Variants in OTOG observed in about 807,000 individuals in gnomAD.
The protein encoded by OTOG is otogelin.
In OTOG, 296 loss-of-function variants were observed where a neutral mutation model predicts 313.8. The ratio of observed to expected loss-of-function variants is 0.94; its 90% CI spans 0.86 to 1.04. OTOG has a LOEUF of 1.04. Among genes scored for constraint, OTOG ranks in the 50% least tolerant of loss-of-function variants. The pLI is 0.00. For missense variants in OTOG, 3,948 were observed against 3,840.1 expected (o/e 1.03, Z -0.74); for synonymous variants, 1,533 against 1,554.9 (o/e 0.99, Z 0.33).
chr11:17,562,205 T>C (rs1478578626), intron 15 of OTOG, among the ~76,000 whole-genome samples: 1 of 130,166 alleles, frequency 7.7e-6, no homozygotes, highest in African/African-American at 3.0e-5. Context: ...GCCACTGCAC[T>C]CCAGCCTGGG....
chr11:17,629,125 C>T lies in OTOG; in HGVS notation c.6529-8C>T, dbSNP rs900590579. 1 of 1,549,370 alleles carries T rather than the reference C, an allele frequency of 6.5e-7. No homozygotes were observed. The highest frequency in any genetic ancestry group is 8.7e-7 in the Non-Finnish European group (1 of 1,146,398). The stretch of plus-strand genomic sequence containing the variant: ...ACAAGCTGTGCTCACACTGAATTCC[C>T]TCCCAAGGTGACTGTGGACTTGCAG... On this transcript the variant is annotated splice_polypyrimidine_tract_variant and splice_region_variant and intron_variant, in intron 39 of 55. Transcript: ENST00000399397.
rs569097813 is a variant in OTOG, at chr11:17,610,200, C to A, written c.4900C>A (p.Pro1634Thr). 6.7e-5 allele frequency: 104 copies of A among 1,550,516 alleles called. No individual in the cohort carries two copies. In the African/African-American group the frequency reaches 1.4e-3, roughly 20 times the overall value. The change falls in exon 36 of 56, where the codon CCC becomes ACC. Residue 1634 changes from proline (P) to threonine (T), a missense_variant. By Grantham distance (38) the Pro-to-Thr change is conservative. Coordinates refer to ENST00000399397, the MANE Select transcript of OTOG (RefSeq NM_001292063.2). ...TGGCTCCTTGCCTGTTAGGACGACA[C>A]CCCCACAGCCCTCCTTGACAGCAAG... ...GHGSLPVRTT[P>T]PQPSLTASPS...
intron 23 of OTOG, among the ~76,000 whole-genome samples, 170 bp from the exon 24 acceptor site, chr11:17,586,304 C>T (rs1565104411): frequency 1.3e-5 from 2 of 152,208 alleles, no homozygotes; most frequent in Admixed American, 1.3e-4. Context: ...ACCAAGGTCC[C>T]TCTGAACCTC....
intron 15 of OTOG, 35 bp downstream of exon 15, chr11:17,561,842 A>G (rs1295679425): frequency 6.5e-7 from 1 of 1,548,690 alleles, no homozygotes; most frequent in South Asian, 1.2e-5. Context: ...CGATCCACCC[A>G]GCTACTCCTG....
chr11:17,588,345 G>A (rs953898701), intron 24 of OTOG, among the ~76,000 whole-genome samples: 8 of 152,102 alleles, frequency 5.3e-5, no homozygotes, highest in South Asian at 2.1e-4. Context: ...GGTGTGACTC[G>A]AGCATTTGCT....
intron 30 of OTOG, among the ~76,000 whole-genome samples, chr11:17,597,699 A>G (rs1198178457): frequency 6.6e-6 from 1 of 152,274 alleles, no homozygotes; most frequent in East Asian, 1.9e-4. Context: ...GAAAGAAAAT[A>G]TAAAGAAGGC....
Position 17,572,219 on chromosome 11 carries a change from G to A in OTOG, c.2080+15G>A. The A allele has an allele frequency of 1.3e-6, 2 of 1,550,176 alleles. No individual in the cohort carries two copies. The highest frequency in any genetic ancestry group is 1.7e-6 in the Non-Finnish European group (2 of 1,146,696). Reference sequence around the variant, plus strand: ...CCTGCAAGCCGGTGAGTTGGTGGGGGAAGAGGAGAGGCATGGTTGAGTGGG... The same window carrying A: ...CCTGCAAGCCGGTGAGTTGGTGGGGAAAGAGGAGAGGCATGGTTGAGTGGG... On this transcript the variant is annotated intron_variant, in intron 18 of 55. Transcript: ENST00000399397.
chr11:17,551,900 T>C (rs1321310701), intron 3 of OTOG, 100 bp from the exon 4 acceptor site: 4 of 1,053,142 alleles, frequency 3.8e-6, no homozygotes, highest in African/African-American at 3.2e-5. Context: ...CTCCTCCCTC[T>C]GGGAGATGAA....
chr11:17,643,620 C>T (rs763136969), intron 54 of OTOG, 114 bp downstream of exon 54: 18 of 718,630 alleles, frequency 2.5e-5, no homozygotes, highest in Non-Finnish European at 3.2e-5. Context: ...GATAGCTCTT[C>T]TGGGCTGAGT....
chr11:17,612,518 G>A (rs1853586711), intron 37 of OTOG, 102 bp from the exon 38 acceptor site: 3 of 1,432,922 alleles, frequency 2.1e-6, no homozygotes, highest in South Asian at 2.8e-5. Context: ...CCAGGCCTCT[G>A]CATCCATCCA....
chr11:17,613,390 T>TTCCCTCCTTCCC (rs1853645142), intron 38 of OTOG, among the ~76,000 whole-genome samples: 1 of 133,274 alleles, frequency 7.5e-6, no homozygotes, highest in African/African-American at 3.0e-5. Context: ...CCTTCCTTCC[T>TTCCCTCCTTCCC]TCCTTCCTTT....
intron 33 of OTOG, 116 bp from the exon 34 acceptor site, chr11:17,608,180 G>A: frequency 1.5e-6 from 1 of 662,812 alleles, no homozygotes. Context: ...TTCCCCATTT[G>A]CTTTCCCTGC....
Position 17,574,815 on chromosome 11 carries a change from G to A in OTOG, c.2389G>A (p.Asp797Asn), listed in dbSNP as rs1290979142. ...GGCCAGCCCTGAGGCCTGTGGGGTT[G>A]ATGGTGGCGATGACCTGAGCAGAGA... The part of the protein sequence containing the change: ...DLASPEACGV[D>N]GGDDLSRDEC... Residue 797 changes from aspartate (D) to asparagine (N), a missense_variant, in exon 20 of 56, where the codon GAT becomes AAT. Coordinates refer to ENST00000399397, the MANE Select transcript of OTOG (RefSeq NM_001292063.2). 15 of 1,550,394 alleles carry A rather than the reference G, an allele frequency of 9.7e-6. No homozygotes were observed. The East Asian group carries it at 3.7e-4, about 38-fold the overall frequency.
intron 28 of OTOG, 78 bp from the exon 29 acceptor site, chr11:17,595,960 C>A (rs1017197212): frequency 1.0e-6 from 1 of 986,478 alleles, no homozygotes. Flanking sequence ...ATGGCGGCCA[C>A]CCTAAAATCT....
intron 32 of OTOG, among the ~76,000 whole-genome samples, chr11:17,603,725 C>A (rs1370475829): frequency 6.6e-6 from 1 of 152,034 alleles, no homozygotes; most frequent in African/African-American, 2.4e-5. Flanking sequence ...TTGAGTTGGG[C>A]CTTAAAGGAT....
rs1262043137 is a variant in OTOG, at chr11:17,596,952, C to T, written c.3627C>T (p.Ala1209=). 11 of 1,550,664 alleles carry T rather than the reference C, an allele frequency of 7.1e-6. No homozygotes were observed. Among genetic ancestry groups the T allele is most frequent in the Admixed American group, 5.9e-5 (3 of 50,976 alleles). Residue 1209 remains alanine, a synonymous_variant, in exon 30 of 56, where the codon GCC becomes GCT. Transcript: ENST00000399397. The part of the protein sequence containing the change: ...ECFCASVSAY[A]HQCCQHGVAV... Reference sequence around the variant, plus strand: ...TCTGTGCCAGCGTCTCCGCTTATGCCCACCAGTGTTGCCAGCATGGGGTGG... The same window carrying T: ...TCTGTGCCAGCGTCTCCGCTTATGCTCACCAGTGTTGCCAGCATGGGGTGG...
At chr11:17,582,907 C>T (rs940378416) in intron 23 of OTOG, among the ~76,000 whole-genome samples, 2 of 151,862 alleles carry the variant, frequency 1.3e-5, no homozygotes, top group Admixed American at 1.3e-4. Flanking sequence ...TGTGTGTTTA[C>T]CTATTTATTT....
intron 17 of OTOG, 41 bp from the exon 18 acceptor site, chr11:17,572,039 A>G (rs1852415786): frequency 6.5e-7 from 1 of 1,549,472 alleles, no homozygotes; most frequent in Non-Finnish European, 8.7e-7. Context: ...CCCTGAGTCC[A>G]CAGGGGCAAG....
chr11:17,642,193 C>A lies in OTOG; in HGVS notation c.8362C>A (p.Leu2788Met), dbSNP rs896973339. 3 of 1,550,434 alleles carry A rather than the reference C, an allele frequency of 1.9e-6. No individual in the cohort carries two copies. The highest frequency in any genetic ancestry group is 2.0e-5 in the Admixed American group (1 of 50,996). ...CAGCAGCACGCCCCTGGGTGCCGTG[C>A]TGGTCCGCTCTCCCATAAGCTGCCC... ...HCSSTPLGAV[L>M]VRSPISCPPL... is the part of the protein sequence containing the mutation. Residue 2788 changes from leucine (L) to methionine (M), a missense_variant, in exon 53 of 56, where the codon CTG (leucine) becomes ATG (methionine). Physicochemically the swap from Leu to Met is conservative, Grantham distance 15. Transcript: ENST00000399397.
Sources: allele counts gnomAD v4.1 joint callset (sites outside exome capture counted in the v4.1 genomes callset), GRCh38; gene constraint gnomAD v4.1.1; transcripts MANE v1.5; gene names NCBI Gene and HGNC (gene_info 2026-07-23, HGNC 2026-07-21).